Variants in CHD6 observed in about 807,000 individuals in gnomAD.
CHD6 encodes ATP-dependent chromatin remodeler CHD6.
A neutral mutation model predicts 276.9 loss-of-function variants in CHD6; 50 were observed. The ratio of observed to expected loss-of-function variants is 0.18; its 90% confidence interval spans 0.14 to 0.23. The LOEUF is 0.23. CHD6 is among the 10% of genes least tolerant of loss of function. The pLI, the probability that CHD6 is intolerant of heterozygous loss-of-function variation, is 1.00. For synonymous variants in CHD6, 1,173 were observed against 1,229.3 expected (o/e 0.95, Z 0.96); for missense variants, 2,564 against 3,365.8 (o/e 0.76, Z 5.89).
In CHD6 at chr20:41,423,636, G is replaced by C. The variant is rs1469849123; in HGVS notation, c.4411C>G (p.Gln1471Glu). 1 of 1,614,070 alleles carries C rather than the reference G, an allele frequency of 6.2e-7. No homozygotes were observed. The highest frequency in any genetic ancestry group is 8.5e-7 in the Non-Finnish European group (1 of 1,180,036). The part of the protein sequence containing the change: ...TVSSFGVVYD[Q>E]EKKTFDWTQF... ...GTCCAGTCAAAGGTTTTCTTTTCTT[G>C]ATCGTAAACAACACCAAAGGAAGAC... The change falls in exon 30 of 37, where the codon CAA becomes GAA. Residue 1471 changes from glutamine to glutamate, a missense_variant. Gln to Glu is a conservative substitution (Grantham distance 29). This residue lies in a region of CHD6 where 515 missense variants were observed against 739.5 expected (regional missense o/e 0.70). Coordinates refer to ENST00000373233, the MANE Select transcript of CHD6 (RefSeq NM_032221.5).
At chr20:41,469,834 G>C (rs1183812499) in intron 17 of CHD6, among the ~76,000 whole-genome samples, 1 of 152,232 alleles carries the variant, frequency 6.6e-6, no homozygotes, top group Non-Finnish European at 1.5e-5. Flanking sequence ...AGATAAAACA[G>C]TAATATTGCT....
At chr20:41,485,929 A>C (rs1242274180) in intron 14 of CHD6, 1 of 152,158 alleles carries the variant, frequency 6.6e-6, no homozygotes, top group Non-Finnish European at 1.5e-5. Context: ...CGTGATAAAT[A>C]CATATTTTGT....
At chr20:41,440,220 A>G (rs2047857147) in intron 25 of CHD6, 91 bp from the exon 26 acceptor site, 2 of 1,175,308 alleles carry the variant, frequency 1.7e-6, no homozygotes, top group African/African-American at 3.1e-5. Flanking sequence ...CTTATTTAGT[A>G]AAGAACAAAA....
At chr20:41,587,474 A>G (rs1011652994) in intron 1 of CHD6, among the ~76,000 whole-genome samples, 4 of 152,224 alleles carry the variant, frequency 2.6e-5, no homozygotes, top group Admixed American at 2.0e-4. Flanking sequence ...TCCTTTCAGT[A>G]GAGGGTCTCT....
rs146557207 is a variant in CHD6, at chr20:41,500,637, C to T, written c.853-1280G>A. Among the ~76,000 whole-genome samples, 964 of 152,182 alleles carry T rather than the reference C, an allele frequency of 6.3e-3. 11 individuals are homozygous for T. Among genetic ancestry groups the T allele is most frequent in the Middle Eastern group, 0.024 (7 of 292 alleles). ...TTTTGTTTCTCTGTTTAAGTATTTG[C>T]TCTGCTTGGTTCCTAAATATAGATA... On this transcript the variant is annotated intron_variant, in intron 5 of 36. Coordinates refer to ENST00000373233, the MANE Select transcript of CHD6 (RefSeq NM_032221.5).
intron 1 of CHD6, among the ~76,000 whole-genome samples, chr20:41,615,408 T>C (rs960570324): frequency 6.6e-6 from 1 of 152,076 alleles, no homozygotes; most frequent in Non-Finnish European, 1.5e-5. Context: ...TATCATTTTA[T>C]GTATTTCAAA....
chr20:41,594,777 T>A (rs6093498), intron 1 of CHD6, among the ~76,000 whole-genome samples: 1 of 151,952 alleles, frequency 6.6e-6, no homozygotes, highest in African/African-American at 2.4e-5. Flanking sequence ...CTAATTGACC[T>A]TATTCAATTT....
intron 27 of CHD6, among the ~76,000 whole-genome samples, chr20:41,426,699 T>G (rs2047375643): frequency 6.6e-6 from 1 of 152,246 alleles, no homozygotes; most frequent in Admixed American, 6.5e-5. Flanking sequence ...ATTAAAATCA[T>G]GACTTGAGCT....
intron 1 of CHD6, chr20:41,564,054 G>C: frequency 1.3e-6 from 1 of 779,514 alleles, no homozygotes; most frequent in Non-Finnish European, 2.4e-6. Flanking sequence ...GAACACAAGC[G>C]TTGTGGGATT....
intron 1 of CHD6, among the ~76,000 whole-genome samples, chr20:41,588,019 G>A (rs903167734): frequency 1.3e-5 from 2 of 152,030 alleles, no homozygotes; most frequent in Admixed American, 6.6e-5. Flanking sequence ...TAGTGTATAA[G>A]CAAGCAGAAG....
At chr20:41,587,917 A>G (rs2045613516) in intron 1 of CHD6, among the ~76,000 whole-genome samples, 2 of 152,182 alleles carry the variant, frequency 1.3e-5, no homozygotes, top group African/African-American at 4.8e-5. Flanking sequence ...GCATTAAGCA[A>G]TAGGAGTAAA....
intron 14 of CHD6, among the ~76,000 whole-genome samples, chr20:41,487,372 C>T (rs1281194045): frequency 1.3e-5 from 2 of 152,062 alleles, no homozygotes; most frequent in Non-Finnish European, 2.9e-5. Context: ...GCAAAATCAG[C>T]GAACGCACAA....
At chr20:41,444,541 C>G (rs920197631) in intron 25 of CHD6, among the ~76,000 whole-genome samples, 1 of 152,162 alleles carries the variant, frequency 6.6e-6, no homozygotes, top group African/African-American at 2.4e-5. Flanking sequence ...TTCTCAATAC[C>G]AGTATCCAAG....
intron 1 of CHD6, among the ~76,000 whole-genome samples, chr20:41,586,804 A>G (rs1176824790): frequency 6.6e-6 from 1 of 152,254 alleles, no homozygotes; most frequent in Admixed American, 6.5e-5. Flanking sequence ...AACTCTCAGC[A>G]AATTTGGAAC....
intron 2 of CHD6, among the ~76,000 whole-genome samples, chr20:41,542,218 C>A (rs2044956208): frequency 6.6e-6 from 1 of 152,112 alleles, no homozygotes; most frequent in Admixed American, 6.5e-5. Context: ...TATTCTAGGA[C>A]AAGTAGATGC....
chr20:41,462,487 G>A (rs979818562), intron 17 of CHD6, among the ~76,000 whole-genome samples: 8 of 152,168 alleles, frequency 5.3e-5, no homozygotes, highest in Non-Finnish European at 1.5e-5. Flanking sequence ...TGCAAGGTTA[G>A]CAATCCTGAA....
chr20:41,466,667 A>C (rs1015776318), intron 17 of CHD6, among the ~76,000 whole-genome samples: 3 of 152,172 alleles, frequency 2.0e-5, no homozygotes, highest in Non-Finnish European at 2.9e-5. Context: ...TTTCTGGCTC[A>C]TATGGTGTTG....
At chr20:41,440,246 A>C in intron 25 of CHD6, 117 bp from the exon 26 acceptor site, 1 of 957,964 alleles carries the variant, frequency 1.0e-6, no homozygotes, top group Non-Finnish European at 1.6e-6. Context: ...ACAAAAAAAT[A>C]ATTATTTAAG....
chr20:41,550,239 T>A (rs769049546), intron 2 of CHD6, among the ~76,000 whole-genome samples: 1 of 152,240 alleles, frequency 6.6e-6, no homozygotes, highest in African/African-American at 2.4e-5. Context: ...TAAGCCTTTA[T>A]ACACACAGTT....
Sources: gnomAD v4.1 joint callset for allele counts (sites outside exome capture counted in the v4.1 genomes callset) on GRCh38, gnomAD v4.1.1 for gene constraint, gnomAD v4.1.1 regional missense constraint, MANE v1.5 for transcripts, NCBI Gene and HGNC (gene_info 2026-07-23, HGNC 2026-07-21) for gene names.